R3HCC1L: variants seen among roughly 807,000 people sequenced by gnomAD.
R3HCC1L encodes the protein coiled-coil domain-containing protein R3HCC1L.
In R3HCC1L, 51 loss-of-function variants were observed where a neutral mutation model predicts 59.9. The observed-to-expected ratio is 0.85, with a 90% CI of 0.68 to 1.07. The LOEUF (loss-of-function observed/expected upper bound fraction) is 1.07. Among genes scored for constraint, R3HCC1L ranks in the 50% least tolerant of loss-of-function variants. R3HCC1L has a pLI of 0.00. For missense variants in R3HCC1L, 965 were observed against 933.0 expected (o/e 1.03, Z -0.45); for synonymous variants, 322 against 315.2 (o/e 1.02, Z -0.23).
chr10:98,170,053 G>A (rs1191970092), intron 4 of R3HCC1L, among the ~76,000 whole-genome samples: 1 of 152,036 alleles, frequency 6.6e-6, no homozygotes, highest in East Asian at 1.9e-4. Flanking sequence ...ATGGTAATGA[G>A]TATTAGTGTG....
chr10:98,190,652 A>G (rs776183550), intron 4 of R3HCC1L, among the ~76,000 whole-genome samples: 1 of 152,114 alleles, frequency 6.6e-6, no homozygotes, highest in Non-Finnish European at 1.5e-5. Flanking sequence ...TAAGTATTTT[A>G]TGGACTTTTT....
intron 4 of R3HCC1L, among the ~76,000 whole-genome samples, chr10:98,172,213 T>C (rs1240481767): frequency 6.6e-6 from 1 of 152,142 alleles, no homozygotes; most frequent in Non-Finnish European, 1.5e-5. Flanking sequence ...ACAGATCCGC[T>C]CACTACTGCT....
At chr10:98,152,934 C>T (rs186491846) in intron 1 of R3HCC1L, among the ~76,000 whole-genome samples, 32,270 of 149,298 alleles carry the variant, frequency 0.22, 3,754 homozygotes, top group African/African-American at 0.28. Context: ...TCGCCCTGTC[C>T]GGGAGAGAGG....
At chr10:98,178,528 G>T (rs967040373) in intron 4 of R3HCC1L, among the ~76,000 whole-genome samples, 2 of 152,140 alleles carry the variant, frequency 1.3e-5, no homozygotes, top group Non-Finnish European at 2.9e-5. Context: ...TTTGGCTTAG[G>T]ATTGTCTTGG....
At chr10:98,166,041 A>G (rs914029873) in intron 4 of R3HCC1L, among the ~76,000 whole-genome samples, 1 of 152,222 alleles carries the variant, frequency 6.6e-6, no homozygotes, top group Non-Finnish European at 1.5e-5. Context: ...CTGGTGGCAC[A>G]TGCCTGTAAT....
intron 4 of R3HCC1L, among the ~76,000 whole-genome samples, chr10:98,203,723 G>C (rs1487165474): frequency 6.6e-6 from 1 of 152,158 alleles, no homozygotes; most frequent in East Asian, 1.9e-4. Flanking sequence ...TTTATTGTGT[G>C]CTTGTTCAAT....
Position 98,244,297 on chromosome 10 carries a change from G to A in R3HCC1L, c.*139G>A. On this transcript the variant is annotated 3_prime_UTR_variant, in exon 10 of 10. Coordinates refer to ENST00000298999, the MANE Select transcript of R3HCC1L (RefSeq NM_001351015.2). The stretch of plus-strand genomic sequence containing the variant: ...AAAGTGATCGAGACAAGGACTGACT[G>A]GGTATAGAAGGAAGACAGACTCCTG... 1 of 730,202 alleles carries A rather than the reference G, an allele frequency of 1.4e-6. No homozygotes were observed. Among genetic ancestry groups the A allele is most frequent in the Middle Eastern group, 2.7e-4 (1 of 3,736 alleles). 45.2% of individuals were successfully genotyped at this position (730,202 alleles called of 1,614,324 possible). A position where few individuals can be genotyped will look rare whatever the true frequency, so the allele number is the denominator to read the frequency against.
At chr10:98,137,063 T>C (rs899975056) in intron 1 of R3HCC1L, among the ~76,000 whole-genome samples, 25 of 151,872 alleles carry the variant, frequency 1.6e-4, no homozygotes, top group Admixed American at 5.9e-4. Flanking sequence ...CAAAAAAAAT[T>C]AGCTGGGCGT....
chr10:98,215,131 T>G (rs1854025539), intron 5 of R3HCC1L, among the ~76,000 whole-genome samples: 3 of 152,144 alleles, frequency 2.0e-5, no homozygotes, highest in Non-Finnish European at 2.9e-5. Context: ...TGAACAAATA[T>G]TCTGTGCCCA....
At position 98,208,870 on chromosome 10, in the gene R3HCC1L, A is replaced by C. The variant is rs530861498; in HGVS notation, c.756A>C (p.Thr252=). Residue 252 remains threonine (T), a synonymous_variant, in exon 5 of 10, where the codon ACA becomes ACC. Coordinates refer to ENST00000298999, the MANE Select transcript of R3HCC1L (RefSeq NM_001351015.2). ...AAATTGTACAACAAAGCATGCAAAC[A>C]TCAGATGGAATATTGAATCCCAGCA... ...DSEIVQQSMQ[T]SDGILNPSSG... 4.5e-5 allele frequency: 72 copies of C among 1,614,042 alleles called. No homozygotes were observed. The highest frequency in any genetic ancestry group is 6.7e-5 in the Admixed American group (4 of 60,004).
At chr10:98,242,775 T>C (rs941113539) in intron 9 of R3HCC1L, among the ~76,000 whole-genome samples, 9 of 152,226 alleles carry the variant, frequency 5.9e-5, no homozygotes, top group Non-Finnish European at 1.2e-4. Context: ...CTTTCATCCA[T>C]TGCCTTTAGA....
In R3HCC1L at chr10:98,209,823, T is replaced by G. The variant is rs1350088109; in HGVS notation, c.1709T>G (p.Ile570Ser). 1 of 1,613,728 alleles carries G rather than the reference T, an allele frequency of 6.2e-7. No individual in the cohort carries two copies. Among genetic ancestry groups the G allele is most frequent in the East Asian group, 2.2e-5 (1 of 44,888 alleles). Residue 570 changes from isoleucine to serine, a missense_variant, in exon 5 of 10, where the codon ATT becomes AGT. Physicochemically the swap from Ile to Ser is moderately radical, Grantham distance 142. Transcript: ENST00000298999. Reference protein sequence around the residue: ...KATETSHTEGITAIEESWESM... With the variant: ...KATETSHTEGSTAIEESWESM... ...ACTGAAACTTCTCACACAGAGGGAA[T>G]TACTGCCATTGAGGAGAGCTGGGAG...
chr10:98,206,252 A>AT (rs1228671869), intron 4 of R3HCC1L, among the ~76,000 whole-genome samples: 2 of 11,330 alleles, frequency 1.8e-4, no homozygotes, highest in Non-Finnish European at 0.017. Flanking sequence ...GACCTTGTGA[A>AT]CAAATAAAAG....
intron 1 of R3HCC1L, among the ~76,000 whole-genome samples, chr10:98,135,650 C>A (rs1385281685): frequency 6.6e-6 from 1 of 152,144 alleles, no homozygotes; most frequent in African/African-American, 2.4e-5. Context: ...ATGCCAGGTT[C>A]CTAGTGAAGA....
intron 4 of R3HCC1L, among the ~76,000 whole-genome samples, chr10:98,180,430 G>A (rs1448099581): frequency 1.3e-5 from 2 of 152,174 alleles, no homozygotes; most frequent in Non-Finnish European, 2.9e-5. Flanking sequence ...GAGACAGTTT[G>A]TTGTGATTTC....
At position 98,209,625 on chromosome 10, in the gene R3HCC1L, C is replaced by T. The variant is rs1042896101; in HGVS notation, c.1511C>T (p.Ala504Val). Reference sequence around the variant, plus strand: ...GGGACAAAAGTTCTTTCAGACAGTGCCGTGGGCATTGACCTGGGTAGTACT... The same window carrying T: ...GGGACAAAAGTTCTTTCAGACAGTGTCGTGGGCATTGACCTGGGTAGTACT... ...LNGTKVLSDS[A>V]VGIDLGSTGD... The change falls in exon 5 of 10, where the codon GCC becomes GTC. Residue 504 changes from alanine (A) to valine (V), a missense_variant. Coordinates refer to ENST00000298999, the MANE Select transcript of R3HCC1L (RefSeq NM_001351015.2). The T allele has an allele frequency of 6.2e-7, 1 of 1,613,962 alleles. No homozygotes were observed. Among genetic ancestry groups the T allele is most frequent in the Non-Finnish European group, 8.5e-7 (1 of 1,179,960 alleles).
chr10:98,182,549 G>A (rs987453793), intron 4 of R3HCC1L, among the ~76,000 whole-genome samples: 23 of 152,258 alleles, frequency 1.5e-4, no homozygotes, highest in African/African-American at 4.3e-4. Context: ...CACCGTGCTC[G>A]GAGAACCACT....
intron 4 of R3HCC1L, among the ~76,000 whole-genome samples, chr10:98,171,263 C>T (rs1243785615): frequency 6.6e-6 from 1 of 152,160 alleles, no homozygotes; most frequent in Non-Finnish European, 1.5e-5. Context: ...ATCTGAAAAA[C>T]TAGGATGTTG....
chr10:98,194,958 A>G (rs1293887213), intron 4 of R3HCC1L, among the ~76,000 whole-genome samples: 2 of 152,162 alleles, frequency 1.3e-5, no homozygotes, highest in East Asian at 3.9e-4. Context: ...CAGCAGTCCC[A>G]CTACTGGGTA....
Sources: allele counts gnomAD v4.1 joint callset (sites outside exome capture counted in the v4.1 genomes callset), GRCh38; gene constraint gnomAD v4.1.1; transcripts MANE v1.5; gene names NCBI Gene and HGNC (gene_info 2026-07-23, HGNC 2026-07-21).